MTMR10: variants seen among roughly 807,000 people sequenced by gnomAD.
MTMR10 encodes myotubularin-related protein 10.
A neutral mutation model predicts 88.1 loss-of-function variants in MTMR10; 56 were observed. That is an observed-to-expected ratio of 0.64 (90% CI 0.51 to 0.79). The LOEUF (loss-of-function observed/expected upper bound fraction) is 0.79, where lower values mean the gene tolerates loss of function less well. Ranked by LOEUF, MTMR10 falls within the 30% of genes least tolerant of loss-of-function variation. The pLI, the probability that MTMR10 is intolerant of heterozygous loss-of-function variation, is 0.00. For missense variants in MTMR10, 883 were observed against 924.7 expected (o/e 0.95, Z 0.58); for synonymous variants, 380 against 340.9 (o/e 1.11, Z -1.26).
intron 5 of MTMR10, among the ~76,000 whole-genome samples, chr15:30,970,822 T>A (rs1177297238): frequency 6.6e-6 from 1 of 152,178 alleles, no homozygotes; most frequent in Non-Finnish European, 1.5e-5. Flanking sequence ...CAAATGAGTA[T>A]GTCCAAAAGC....
intron 2 of MTMR10, among the ~76,000 whole-genome samples, chr15:30,978,671 C>CCCAA (rs1188296244): frequency 2.6e-5 from 4 of 152,180 alleles, no homozygotes; most frequent in Non-Finnish European, 5.9e-5. Flanking sequence ...CCTTAATACA[C>CCCAA]AGATAAAGGA....
At chr15:30,936,408 G>C (rs1566936611), downstream of MTMR10, among the ~76,000 whole-genome samples, 1 of 150,280 alleles carries the variant, frequency 6.7e-6, no homozygotes, top group South Asian at 2.1e-4. Flanking sequence ...ATGGCAAGAA[G>C]GTTAGATTTA....
chr15:30,955,741 C>T (rs1278431323), intron 9 of MTMR10, among the ~76,000 whole-genome samples: 1 of 152,176 alleles, frequency 6.6e-6, no homozygotes, highest in East Asian at 1.9e-4. Context: ...AAACCAGATG[C>T]ACATTCTCCA....
Position 30,975,007 on chromosome 15 carries a change from G to A in MTMR10, c.259-4C>T, listed in dbSNP as rs1171940983. The stretch of plus-strand genomic sequence containing the variant: ...GAAGGTTTCTGTAATGGAATTTCTG[G>A]AATAAAAAATTATGTTCATATTAAT... On this transcript the variant is annotated splice_region_variant and splice_polypyrimidine_tract_variant and intron_variant, in intron 3 of 15. Transcript: ENST00000435680. 1.9e-6 allele frequency: 3 copies of A among 1,547,050 alleles called. No homozygotes were observed. The highest frequency in any genetic ancestry group is 3.9e-5 in the Admixed American group (2 of 51,156).
At chr15:30,972,525 C>G (rs866421377) in intron 5 of MTMR10, among the ~76,000 whole-genome samples, 1 of 152,028 alleles carries the variant, frequency 6.6e-6, no homozygotes, top group African/African-American at 2.4e-5. Context: ...TTTGTGCAGA[C>G]GGTTTAGTAA....
At position 30,974,421 on chromosome 15, in the gene MTMR10, G is replaced by T. The variant is rs758920476; in HGVS notation, c.367C>A (p.Pro123Thr). ...GGATTAAATTTCAGTTTCTGGTTGG[G>T]GCCTAGGACTTTCTGCTTCCTCTTG... is the stretch of plus-strand genomic sequence containing the variant. ...DHKRKQKVLG[P>T]NQKLKFNPTE... Residue 123 changes from proline (P) to threonine (T), a missense_variant, in exon 5 of 16, where the codon CCC becomes ACC. Pro to Thr is a conservative substitution (Grantham distance 38). Transcript: ENST00000435680. The T allele has an allele frequency of 6.3e-7, 1 of 1,583,126 alleles. No individual in the cohort carries two copies. Among genetic ancestry groups the T allele is most frequent in the Non-Finnish European group, 8.6e-7 (1 of 1,163,002 alleles).
At chr15:30,955,013 G>T in intron 9 of MTMR10, 120 bp from the exon 10 acceptor site, 5 of 840,330 alleles carry the variant, frequency 6.0e-6, no homozygotes, top group South Asian at 3.4e-5. Flanking sequence ...CTGCCTTCAT[G>T]GAGTTTACTT....
Position 30,954,785 on chromosome 15 carries a change from T to G in MTMR10, c.1044A>C (p.Lys348Asn). 6.2e-7 allele frequency: 1 copy of G among 1,602,170 alleles called. No individual in the cohort carries two copies. Among genetic ancestry groups the G allele is most frequent in the Non-Finnish European group, 8.5e-7 (1 of 1,174,648 alleles). Reference protein sequence around the residue: ...NIQEVQAAFVKLKQLCVNEPF... With the variant: ...NIQEVQAAFVNLKQLCVNEPF... ...TACCATTAACGCATAGCTGCTTCAG[T>G]TTTACAAATGCTGCCTGTACTTCTT... is the stretch of plus-strand genomic sequence containing the variant. Residue 348 changes from lysine to asparagine, a missense_variant, in exon 10 of 16, where the codon AAA (lysine) becomes AAC (asparagine). By Grantham distance (94) the Lys-to-Asn change is moderately conservative. This residue lies in a region of MTMR10 where 414 missense variants were observed against 423.2 expected (regional missense o/e 0.98). Coordinates refer to ENST00000435680, the MANE Select transcript of MTMR10 (RefSeq NM_017762.3).
At position 30,941,631 on chromosome 15, in the gene MTMR10, G is replaced by A. The variant is rs760252104; in HGVS notation, c.2173C>T (p.His725Tyr). ...RMYFNASGPH[H>Y]TDTSGTPEFL... ...TCCGGTGTCCCCGAGGTGTCGGTGT[G>A]GTGAGGGCCGCTGGCGTTGAAGTAC... Residue 725 changes from histidine to tyrosine, a missense_variant, in exon 16 of 16, where the codon CAC becomes TAC. Physicochemically the swap from His to Tyr is moderately conservative, Grantham distance 83. Coordinates refer to ENST00000435680, the MANE Select transcript of MTMR10 (RefSeq NM_017762.3). 3.1e-6 allele frequency: 5 copies of A among 1,607,276 alleles called. No homozygotes were observed. The highest frequency in any genetic ancestry group is 1.3e-5 in the African/African-American group (1 of 74,846).
At chr15:30,986,037 C>T (rs535718176) in intron 2 of MTMR10, among the ~76,000 whole-genome samples, 1 of 152,208 alleles carries the variant, frequency 6.6e-6, no homozygotes, top group African/African-American at 2.4e-5. Flanking sequence ...TGGAAGGGGG[C>T]TGGGTGTGGT....
At chr15:30,952,904 C>T (rs1436575634) in intron 11 of MTMR10, among the ~76,000 whole-genome samples, 2 of 152,182 alleles carry the variant, frequency 1.3e-5, no homozygotes, top group Non-Finnish European at 2.9e-5. Context: ...ATTCTCCTGC[C>T]TCAGCCTCCT....
At chr15:30,929,485 T>C in the MTMR10 span, 5 of 858,532 alleles carry the variant, frequency 5.8e-6, no homozygotes, top group Non-Finnish European at 8.9e-6. Context: ...AAAATACACA[T>C]GTGTGTATAT....
chr15:30,974,856 T>C (rs2029993252), intron 4 of MTMR10, 75 bp downstream of exon 4: 2 of 1,063,428 alleles, frequency 1.9e-6, no homozygotes, highest in South Asian at 4.4e-5. Flanking sequence ...TCCAAGTATT[T>C]TGAGAGGTAT....
chr15:30,991,174 C>T, intron 1 of MTMR10: 1 of 477,398 alleles, frequency 2.1e-6, no homozygotes. Context: ...AACCCCAGCT[C>T]CCAAGGCTCC....
In MTMR10 at chr15:30,941,847, G is replaced by A. The variant is rs750740747; in HGVS notation, c.1957C>T (p.His653Tyr). 5.6e-6 allele frequency: 9 copies of A among 1,614,060 alleles called. 1 individual carries two copies. Among genetic ancestry groups the A allele is most frequent in the Non-Finnish European group, 7.6e-6 (9 of 1,179,910 alleles). ...TAGCACAGTTTCCACAGTTTTATGT[G>A]TGTTCCAGAGACACGTGGCAGAATA... ...GVILPRVSGT[H>Y]IKLWKLCYFR... Residue 653 changes from histidine (H) to tyrosine (Y), a missense_variant, in exon 16 of 16, where the codon CAC becomes TAC. By Grantham distance (83) the His-to-Tyr change is moderately conservative. Transcript: ENST00000435680.
intron 6 of MTMR10, chr15:30,965,983 C>A: frequency 2.2e-6 from 1 of 454,252 alleles, no homozygotes; most frequent in Non-Finnish European, 4.4e-6. Context: ...TGAATTCTGA[C>A]TGCAGTGTGT....
chr15:30,977,517 A>T (rs1348100629), intron 2 of MTMR10, among the ~76,000 whole-genome samples: 1 of 152,242 alleles, frequency 6.6e-6, no homozygotes, highest in Non-Finnish European at 1.5e-5. Flanking sequence ...AAAGATTAAA[A>T]GAAATAAATA....
At chr15:30,934,531 G>A (rs935593697), downstream of MTMR10, among the ~76,000 whole-genome samples, 1 of 152,034 alleles carries the variant, frequency 6.6e-6, no homozygotes, top group African/African-American at 2.4e-5. Context: ...ACGCCACCAT[G>A]CCTGGCTAAT....
chr15:30,976,792 A>T (rs1411379510), intron 3 of MTMR10, 27 bp downstream of exon 3: 2 of 1,600,150 alleles, frequency 1.2e-6, no homozygotes, highest in Admixed American at 1.8e-5. Context: ...GCCTGATAGA[A>T]TGAAACAGTG....
Sources: gnomAD v4.1 joint callset for allele counts (sites outside exome capture counted in the v4.1 genomes callset) on GRCh38, gnomAD v4.1.1 for gene constraint, gnomAD v4.1.1 regional missense constraint, MANE v1.5 for transcripts, NCBI Gene and HGNC (gene_info 2026-07-23, HGNC 2026-07-21) for gene names.